The following KCNQ5 variants were observed in gnomAD, a reference collection of about 807,000 sequenced individuals.
KCNQ5 encodes potassium voltage-gated channel subfamily Q member 5.
In KCNQ5, 30 loss-of-function variants were observed where a neutral mutation model predicts 98.2. The ratio of observed to expected loss-of-function variants is 0.31; its 90% confidence interval spans 0.23 to 0.41. The LOEUF is 0.41. Among genes scored for constraint, KCNQ5 ranks in the 10% least tolerant of loss-of-function variants. KCNQ5 has a pLI of 1.00. For missense variants in KCNQ5, 835 were observed against 1,182.5 expected, an observed-to-expected ratio of 0.71 and a Z score of 4.31; for synonymous variants, 458 against 449.4, an observed-to-expected ratio of 1.02 and a Z score of -0.24.
At chr6:72,988,653 T>TTC (rs1554194820) in intron 1 of KCNQ5, among the ~76,000 whole-genome samples, 1 of 148,158 alleles carries the variant, frequency 6.7e-6, no homozygotes, top group Non-Finnish European at 1.5e-5. Flanking sequence ...GATTTTCTTT[T>TTC]TTTTTTTTTT....
At chr6:72,717,672 G>A (rs1176262985) in intron 1 of KCNQ5, among the ~76,000 whole-genome samples, 2 of 152,088 alleles carry the variant, frequency 1.3e-5, no homozygotes, top group African/African-American at 4.8e-5. Flanking sequence ...GTATTTAAGG[G>A]GTGATAGGCA....
At chr6:72,938,554 ATT>A (rs35080104) in intron 1 of KCNQ5, among the ~76,000 whole-genome samples, 2 of 150,832 alleles carry the variant, frequency 1.3e-5, no homozygotes, top group African/African-American at 4.9e-5. Flanking sequence ...TAATTCTTGT[ATT>A]TTTTTTTTAG....
At chr6:73,170,985 CAT>C (rs1455256522) in intron 11 of KCNQ5, among the ~76,000 whole-genome samples, 1 of 152,148 alleles carries the variant, frequency 6.6e-6, no homozygotes, top group Non-Finnish European at 1.5e-5. Context: ...TAGCTATTCA[CAT>C]GTTTGGTCTA....
rs35148724 is a variant in KCNQ5, at chr6:72,904,340, G to A, written c.399-99568G>A. ...TGTATCTTTTAAGTGGAGCATTTAG[G>A]CCACTTACATTCAATGTTAGTATTG... On this transcript the variant is annotated intron_variant, in intron 1 of 13. Coordinates refer to ENST00000370398, the MANE Select transcript of KCNQ5 (RefSeq NM_019842.4). Among the ~76,000 whole-genome samples, 734 of 152,198 alleles carry A rather than the reference G, an allele frequency of 4.8e-3. 11 individuals are homozygous for A. Among genetic ancestry groups the A allele is most frequent in the East Asian group, 0.021 (107 of 5,180 alleles).
At chr6:73,097,158 T>TATATATATATATATATATATATAC (rs978966757) in intron 5 of KCNQ5, among the ~76,000 whole-genome samples, 32 of 146,990 alleles carry the variant, frequency 2.2e-4, no homozygotes, top group African/African-American at 4.2e-4. Context: ...TATATATATA[T>TATATATATATATATATATATATAC]ACACACACAC....
chr6:73,130,306 C>T (rs1178030844), intron 9 of KCNQ5, among the ~76,000 whole-genome samples: 2 of 152,164 alleles, frequency 1.3e-5, no homozygotes, highest in East Asian at 3.8e-4. Context: ...CAGAGAACAG[C>T]CGGTAGTAGA....
intron 1 of KCNQ5, among the ~76,000 whole-genome samples, chr6:72,829,803 A>G (rs1162650727): frequency 2.6e-5 from 4 of 152,152 alleles, no homozygotes; most frequent in Non-Finnish European, 5.9e-5. Context: ...AGTTTACATA[A>G]AAAAGAACGT....
intron 2 of KCNQ5, among the ~76,000 whole-genome samples, chr6:73,026,307 C>G (rs1482299506): frequency 6.6e-6 from 1 of 152,164 alleles, no homozygotes; most frequent in African/African-American, 2.4e-5. Flanking sequence ...CCCAGATATC[C>G]TCACCTCCTA....
rs141109213 is a variant in KCNQ5 at position 72,687,992 on chromosome 6, C to A, written c.398+65405C>A. ...TAGCTGGGACTACAGGTGCGCATCACCATGCCCAGCTAATTTTTGTATTTT... is the reference window on the plus strand; with the variant it reads ...TAGCTGGGACTACAGGTGCGCATCAACATGCCCAGCTAATTTTTGTATTTT... On this transcript the variant is annotated intron_variant, in intron 1 of 13. Coordinates refer to ENST00000370398, the MANE Select transcript of KCNQ5 (RefSeq NM_019842.4). Among the ~76,000 whole-genome samples the A allele has an allele frequency of 5.0e-3, 765 of 152,128 alleles. 3 individuals are homozygous for A. The highest frequency in any genetic ancestry group is 0.016 in the African/African-American group (672 of 41,504).
chr6:72,788,265 T>A (rs1561983921), intron 1 of KCNQ5, among the ~76,000 whole-genome samples: 1 of 152,242 alleles, frequency 6.6e-6, no homozygotes, highest in Non-Finnish European at 1.5e-5. Flanking sequence ...CAAACCAGAA[T>A]GTCCAGATTC....
intron 1 of KCNQ5, among the ~76,000 whole-genome samples, chr6:72,776,548 T>C (rs1181858312): frequency 6.6e-6 from 1 of 152,228 alleles, no homozygotes; most frequent in Non-Finnish European, 1.5e-5. Flanking sequence ...TCAACAAATA[T>C]AATACAAGCA....
intron 1 of KCNQ5, among the ~76,000 whole-genome samples, chr6:72,791,248 CT>C (rs772361841): frequency 1.3e-5 from 2 of 152,182 alleles, no homozygotes; most frequent in Non-Finnish European, 2.9e-5. Flanking sequence ...CCAAAGTGTG[CT>C]GTAATGTATG....
chr6:72,988,654 T>TC lies in KCNQ5; in HGVS notation c.399-15254_399-15253insC, dbSNP rs1300232027. Among the ~76,000 whole-genome samples, 13 of 149,006 alleles carry TC rather than the reference T, an allele frequency of 8.7e-5. No homozygotes were observed. In the East Asian group the frequency reaches 2.0e-3, roughly 22 times the overall value. On this transcript the variant is annotated intron_variant, in intron 1 of 13. Coordinates refer to ENST00000370398, the MANE Select transcript of KCNQ5 (RefSeq NM_019842.4). ...GGGAAAAAAAGCATGATTTTCTTTT[T>TC]TTTTTTTTTTTTTATTATACTCTAA... is the stretch of plus-strand genomic sequence containing the variant.
intron 1 of KCNQ5, among the ~76,000 whole-genome samples, chr6:72,861,957 T>C (rs1288873172): frequency 6.6e-6 from 1 of 152,164 alleles, no homozygotes; most frequent in African/African-American, 2.4e-5. Flanking sequence ...CTGCTCCTTT[T>C]TCCTGCCCTC....
chr6:73,133,362 C>A (rs1776316185), intron 9 of KCNQ5, 59 bp from the exon 10 acceptor site: 10 of 1,481,258 alleles, frequency 6.8e-6, no homozygotes, highest in Admixed American at 3.5e-5. Flanking sequence ...AAATTACTTA[C>A]CCAAGCAAAG....
chr6:72,701,647 A>G (rs1173207208), intron 1 of KCNQ5, among the ~76,000 whole-genome samples: 1 of 151,830 alleles, frequency 6.6e-6, no homozygotes, highest in African/African-American at 2.4e-5. Context: ...TGGCACCATC[A>G]TAACTCACTG....
intron 5 of KCNQ5, among the ~76,000 whole-genome samples, chr6:73,087,893 A>G (rs890574325): frequency 3.9e-5 from 6 of 152,098 alleles, no homozygotes; most frequent in Non-Finnish European, 8.8e-5. Context: ...CCCTCTTTCA[A>G]AGCCCAGGTA....
At chr6:72,987,301 A>G in intron 1 of KCNQ5, 1 of 699,364 alleles carries the variant, frequency 1.4e-6, no homozygotes, top group Non-Finnish European at 2.7e-6. Flanking sequence ...GTGTTGGAAA[A>G]GAAAGGCAAC....
intron 1 of KCNQ5, among the ~76,000 whole-genome samples, chr6:72,660,174 C>T (rs979365808): frequency 1.3e-5 from 2 of 152,076 alleles, no homozygotes; most frequent in African/African-American, 2.4e-5. Flanking sequence ...TACTGTGTAG[C>T]GGAGCCTGTG....
Sources: allele counts gnomAD v4.1 joint callset (sites outside exome capture counted in the v4.1 genomes callset), GRCh38; gene constraint gnomAD v4.1.1; transcripts MANE v1.5; gene names NCBI Gene and HGNC (gene_info 2026-07-23, HGNC 2026-07-21).